The following GRIK5 variants were observed in gnomAD, a reference collection of about 807,000 sequenced individuals.
GRIK5 encodes the protein glutamate receptor ionotropic, kainate 5.
A neutral mutation model predicts 97.4 loss-of-function variants in GRIK5; 43 were observed. That is an observed-to-expected ratio of 0.44 (90% confidence interval 0.35 to 0.57). GRIK5 has a LOEUF of 0.57. Among genes scored for constraint, GRIK5 ranks in the 20% least tolerant of loss-of-function variants. The probability of loss-of-function intolerance (pLI) is 0.01; values close to 1 mark genes in which losing one functional copy is unlikely to be tolerated. For synonymous variants in GRIK5, 580 were observed against 583.5 expected (o/e 0.99, Z 0.09); for missense variants, 1,015 against 1,382.0 (o/e 0.73, Z 4.21).
chr19:42,048,898 TG>T (rs1377752002), intron 11 of GRIK5, among the ~76,000 whole-genome samples: 2 of 151,898 alleles, frequency 1.3e-5, no homozygotes, highest in Non-Finnish European at 2.9e-5. Context: ...TTTAATTAGC[TG>T]GGTGTGGTGG....
At chr19:42,053,561 A>C (rs1261356411) in intron 11 of GRIK5, 41 bp downstream of exon 11, 1 of 1,185,978 alleles carries the variant, frequency 8.4e-7, no homozygotes, top group East Asian at 2.3e-5. Flanking sequence ...GACTGGGCTC[A>C]GGGCAGCGCC....
At chr19:42,030,399 C>T (rs961797203) in intron 12 of GRIK5, among the ~76,000 whole-genome samples, 27 of 152,066 alleles carry the variant, frequency 1.8e-4, no homozygotes, top group African/African-American at 6.0e-4. Context: ...CCAGGTGATC[C>T]ACCCACCTCA....
chr19:42,066,571 G>A (rs1357922179), intron 1 of GRIK5, among the ~76,000 whole-genome samples: 1 of 151,742 alleles, frequency 6.6e-6, no homozygotes, highest in East Asian at 1.9e-4. Flanking sequence ...AAGAGAGAAA[G>A]GTCAAAATAG....
At chr19:42,040,097 TC>T (rs1374912610) in intron 12 of GRIK5, among the ~76,000 whole-genome samples, 6 of 152,172 alleles carry the variant, frequency 3.9e-5, no homozygotes, top group Non-Finnish European at 8.8e-5. Context: ...GGGCTGTTAT[TC>T]CCCAATTTTA....
intron 12 of GRIK5, among the ~76,000 whole-genome samples, chr19:42,030,084 CT>C (rs1206161811): frequency 6.6e-6 from 1 of 152,214 alleles, no homozygotes; most frequent in Non-Finnish European, 1.5e-5. Context: ...TGGTTAACAA[CT>C]TTACATTTAG....
chr19:42,056,602 G>C (rs1325020841), intron 8 of GRIK5, 60 bp downstream of exon 8: 1 of 1,495,440 alleles, frequency 6.7e-7, no homozygotes, highest in East Asian at 2.3e-5. Flanking sequence ...GTCTGAAAGG[G>C]GGCCCCAGAA....
chr19:42,058,610 G>A (rs1256134943), intron 6 of GRIK5, among the ~76,000 whole-genome samples: 4 of 150,358 alleles, frequency 2.7e-5, no homozygotes, highest in East Asian at 2.0e-4. Flanking sequence ...GGCAGATCAC[G>A]AGGTTAGGAG....
At chr19:42,009,311 C>T (rs887134852) in intron 15 of GRIK5, among the ~76,000 whole-genome samples, 5 of 151,956 alleles carry the variant, frequency 3.3e-5, no homozygotes, top group South Asian at 2.1e-4. Flanking sequence ...GGCGCGATCT[C>T]GACTCACTGC....
At chr19:42,018,351 A>AAAAGC (rs1325260659) in intron 15 of GRIK5, among the ~76,000 whole-genome samples, 2 of 148,910 alleles carry the variant, frequency 1.3e-5, no homozygotes, top group African/African-American at 2.5e-5. Flanking sequence ...AAAAGAAAAG[A>AAAAGC]AATAAAGAAA....
intron 11 of GRIK5, among the ~76,000 whole-genome samples, chr19:42,051,911 G>T (rs1308680185): frequency 6.6e-6 from 1 of 152,080 alleles, no homozygotes; most frequent in Non-Finnish European, 1.5e-5. Context: ...TGCCACCTCT[G>T]CCAGGAAGCC....
At position 42,005,776 on chromosome 19, in the gene GRIK5, G is replaced by A; in HGVS notation, c.2210C>T (p.Thr737Ile). ...GGTGTCGAGGAGTCCCCCGATCTGG[G>A]TGAGGTTGCAGTTGAGGCGCCGGTG... ...EYHRRLNCNLTQIGGLLDTKG... is the reference protein window; with the variant it reads ...EYHRRLNCNLIQIGGLLDTKG... The change falls in exon 17 of 20, where the codon ACC becomes ATC. Residue 737 changes from threonine to isoleucine, a missense_variant. Physicochemically the swap from Thr to Ile is moderately conservative, Grantham distance 89. This residue lies in a region of GRIK5 where 229 missense variants were observed against 341.0 expected (regional missense o/e 0.67). Coordinates refer to ENST00000593562, the MANE Select transcript of GRIK5 (RefSeq NM_002088.5). 2 of 1,614,170 alleles carry A rather than the reference G, an allele frequency of 1.2e-6. No individual in the cohort carries two copies. Among genetic ancestry groups the A allele is most frequent in the Non-Finnish European group, 1.7e-6 (2 of 1,179,976 alleles).
At chr19:42,066,401 A>G (rs1318718294) in intron 1 of GRIK5, among the ~76,000 whole-genome samples, 1 of 151,468 alleles carries the variant, frequency 6.6e-6, no homozygotes, top group African/African-American at 2.4e-5. Flanking sequence ...GGAGAGATGG[A>G]GAGATGGAGA....
chr19:42,042,604 G>A lies in GRIK5; in HGVS notation c.1421C>T (p.Ala474Val), dbSNP rs775628211. ...LRLVEDGLYG[A>V]PEPNGSWTGM... ...CGTCCAGGAGCCGTTGGGCTCGGGC[G>A]CCCCGTACAGCCCATCCTCCACCAA... Residue 474 changes from alanine to valine, a missense_variant, in exon 12 of 20, where the codon GCG becomes GTG. Physicochemically the swap from Ala to Val is moderately conservative, Grantham distance 64. This residue lies in a region of GRIK5 where 477 missense variants were observed against 701.1 expected (regional missense o/e 0.68). Transcript: ENST00000593562. This position sits in a 1 kb window ranked among gnomAD's most constrained non-coding sequence, Gnocchi z 6.9. The A allele has an allele frequency of 5.0e-6, 8 of 1,612,376 alleles. No homozygotes were observed. The highest frequency in any genetic ancestry group is 5.1e-6 in the Non-Finnish European group (6 of 1,179,924).
chr19:42,004,225 C>T (rs1177991095), intron 17 of GRIK5, among the ~76,000 whole-genome samples: 2 of 152,138 alleles, frequency 1.3e-5, no homozygotes, highest in Admixed American at 1.3e-4. Context: ...TATTATATGG[C>T]TATGTGTTTA....
At position 42,003,687 on chromosome 19, in the gene GRIK5, G is replaced by T; in HGVS notation, c.2264-4C>A. The T allele has an allele frequency of 6.2e-7, 1 of 1,607,158 alleles. No individual in the cohort carries two copies. The highest frequency in any genetic ancestry group is 8.5e-7 in the Non-Finnish European group (1 of 1,176,500). On this transcript the variant is annotated splice_polypyrimidine_tract_variant and splice_region_variant and intron_variant, in intron 17 of 19. Coordinates refer to ENST00000593562, the MANE Select transcript of GRIK5 (RefSeq NM_002088.5). This position sits in a 1 kb window ranked among gnomAD's most constrained non-coding sequence, Gnocchi z 4.2. ...ATCTCATCCCGGAACGGGGAGCCTG[G>T]GCAGGCACACGAGGGGCTGGACCAG...
chr19:42,006,870 G>A lies in GRIK5; in HGVS notation c.1872-60C>T, dbSNP rs953260198. 1.3e-5 allele frequency: 17 copies of A among 1,338,328 alleles called. No homozygotes were observed. In the African/African-American group the frequency reaches 1.9e-4, roughly 15 times the overall value. 82.9% of individuals were successfully genotyped at this position (1,338,328 alleles called of 1,614,324 possible). ...TCACCCCTGCTGACCTGCCCCCGTG[G>A]CCATGCCCCCCATTGGTGGTGCCCC... is the stretch of plus-strand genomic sequence containing the variant. On this transcript the variant is annotated intron_variant, in intron 15 of 19. Coordinates refer to ENST00000593562, the MANE Select transcript of GRIK5 (RefSeq NM_002088.5). This position sits in a 1 kb window ranked among gnomAD's most constrained non-coding sequence, Gnocchi z 5.3.
At chr19:42,034,005 A>G (rs575331963) in intron 12 of GRIK5, among the ~76,000 whole-genome samples, 6 of 151,894 alleles carry the variant, frequency 4.0e-5, no homozygotes, top group Non-Finnish European at 8.8e-5. Context: ...GTCTCAAAAT[A>G]AAATAAAATA....
rs1308510909 is a variant in GRIK5 at position 42,062,993 on chromosome 19, C to CATGACTGGCCAG, written c.245-139_245-138insCTGGCCAGTCAT. On this transcript the variant is annotated intron_variant, in intron 3 of 19. Coordinates refer to ENST00000593562, the MANE Select transcript of GRIK5 (RefSeq NM_002088.5). This position sits in a 1 kb window ranked among gnomAD's most constrained non-coding sequence, Gnocchi z 5.3. ...TGATCCTCTTCTGCCATCCGGGACCCAGAAGGCCAGTCTCTGACCCCACCC... is the reference window on the plus strand; with the variant it reads ...TGATCCTCTTCTGCCATCCGGGACCCATGACTGGCCAGAGAAGGCCAGTCTCTGACCCCACCC... 13 of 658,730 alleles carry CATGACTGGCCAG rather than the reference C, an allele frequency of 2.0e-5. No individual in the cohort carries two copies. The African/African-American group carries it at 2.3e-4, about 12-fold the overall frequency. 40.8% of individuals were successfully genotyped at this position (658,730 alleles called of 1,614,324 possible).
chr19:42,062,389 G>A lies in GRIK5; in HGVS notation c.508+99C>T, dbSNP rs2076270348. ...GAGCCTGGTGCCTGGGTGCCCCAGG[G>A]TTCTAACTAGGGGGCAGTGAACCAC... On this transcript the variant is annotated intron_variant, in intron 5 of 19. Coordinates refer to ENST00000593562, the MANE Select transcript of GRIK5 (RefSeq NM_002088.5). This position sits in a 1 kb window ranked among gnomAD's most constrained non-coding sequence, Gnocchi z 5.3. The A allele has an allele frequency of 3.2e-5, 41 of 1,274,610 alleles. No homozygotes were observed. The highest frequency in any genetic ancestry group is 4.2e-5 in the Non-Finnish European group (38 of 911,386). 79.0% of individuals were successfully genotyped at this position (1,274,610 alleles called of 1,614,324 possible).
Sources: allele counts gnomAD v4.1 joint callset (sites outside exome capture counted in the v4.1 genomes callset), GRCh38; gene constraint gnomAD v4.1.1; regional missense constraint gnomAD v4.1.1; non-coding constraint Gnocchi (gnomAD v3.1); transcripts MANE v1.5; gene names NCBI Gene and HGNC (gene_info 2026-07-23, HGNC 2026-07-21).